RAB10: variants seen among roughly 807,000 people sequenced by gnomAD.
The protein encoded by RAB10 is RAB10, member RAS oncogene family.
A neutral mutation model predicts 25.7 loss-of-function variants in RAB10; 5 were observed. The ratio of observed to expected loss-of-function variants is 0.19; its 90% confidence interval spans 0.10 to 0.41. RAB10 has a LOEUF of 0.41. Among genes scored for constraint, RAB10 ranks in the 10% least tolerant of loss-of-function variants. The pLI is 1.00. For missense variants in RAB10, 103 were observed against 245.8 expected (o/e 0.42, Z 3.89); for synonymous variants, 89 against 86.4 (o/e 1.03, Z -0.16).
chr2:26,104,437 T>C (rs933641742), intron 2 of RAB10, among the ~76,000 whole-genome samples: 2 of 152,250 alleles, frequency 1.3e-5, no homozygotes, highest in Non-Finnish European at 2.9e-5. Context: ...ATTTGTCCTT[T>C]TATTGTTGAG....
chr2:26,101,424 G>C (rs2149281051), intron 2 of RAB10: 1 of 152,448 alleles, frequency 6.6e-6, no homozygotes, highest in East Asian at 1.9e-4. Context: ...TGAACGTGTT[G>C]TCTTTCTTGA....
chr2:26,042,651 A>G (rs1237727938), intron 1 of RAB10: 3 of 151,982 alleles, frequency 2.0e-5, no homozygotes, highest in Non-Finnish European at 2.9e-5. Context: ...GTCTTAAACA[A>G]AAAACCCCAA....
chr2:26,111,606 CAAA>C (rs11347877), intron 3 of RAB10, among the ~76,000 whole-genome samples: 8 of 139,642 alleles, frequency 5.7e-5, no homozygotes, highest in East Asian at 2.0e-4. Context: ...AACTCCATCT[CAAA>C]AAAAAAAAAA....
intron 1 of RAB10, among the ~76,000 whole-genome samples, chr2:26,086,127 C>A (rs1307568172): frequency 6.6e-6 from 1 of 151,794 alleles, no homozygotes; most frequent in Non-Finnish European, 1.5e-5. Context: ...CCAGCCTGTC[C>A]AACATGACAA....
rs1396942660 is a variant in RAB10 at position 26,124,583 on chromosome 2, A to G, written c.328-2561A>G. Reference sequence around the variant, plus strand: ...GCTCAGCCTATTGTTGTTTTTGAATACTTTTTAAAATTGTGGTGAAATACA... The same window carrying G: ...GCTCAGCCTATTGTTGTTTTTGAATGCTTTTTAAAATTGTGGTGAAATACA... On this transcript the variant is annotated intron_variant, in intron 3 of 5. Transcript: ENST00000264710. 1.3e-5 allele frequency among the ~76,000 whole-genome samples: 2 copies of G among 150,358 alleles called. 1 individual carries two copies. Among genetic ancestry groups the G allele is most frequent in the East Asian group, 3.9e-4 (2 of 5,160 alleles).
At chr2:26,037,806 G>A (rs1191412944) in intron 1 of RAB10, among the ~76,000 whole-genome samples, 1 of 152,196 alleles carries the variant, frequency 6.6e-6, no homozygotes, top group Admixed American at 6.5e-5. Context: ...CTGCTGTGGA[G>A]GTGTGGCAGA....
chr2:26,117,979 T>C (rs1574560285), intron 3 of RAB10, among the ~76,000 whole-genome samples: 1 of 152,296 alleles, frequency 6.6e-6, no homozygotes, highest in East Asian at 1.9e-4. Context: ...AAAAAGATGT[T>C]CTTTTTTTTT....
chr2:26,108,216 A>T lies in RAB10; in HGVS notation c.189-1552A>T, dbSNP rs540850154. 2.0e-5 allele frequency among the ~76,000 whole-genome samples: 3 copies of T among 152,290 alleles called. No homozygotes were observed. In the East Asian group the frequency reaches 5.8e-4, roughly 29 times the overall value. On this transcript the variant is annotated intron_variant, in intron 2 of 5. Transcript: ENST00000264710. The stretch of plus-strand genomic sequence containing the variant: ...AAACCTGTAAATGAATATTCTTCGA[A>T]CTTTGTTATAGCCAAAAACTGGAAA...
At chr2:26,075,665 C>G (rs1375899883) in intron 1 of RAB10, among the ~76,000 whole-genome samples, 1 of 151,990 alleles carries the variant, frequency 6.6e-6, no homozygotes, top group Non-Finnish European at 1.5e-5. Context: ...ATAATCATGA[C>G]CAAGGGACAA....
At chr2:26,109,693 A>G (rs1667533581) in intron 2 of RAB10, 75 bp from the exon 3 acceptor site, 1 of 1,381,064 alleles carries the variant, frequency 7.2e-7, no homozygotes, top group Non-Finnish European at 9.5e-7. Flanking sequence ...AGGAAAAACT[A>G]TTCTTGTTTT....
intron 1 of RAB10, among the ~76,000 whole-genome samples, chr2:26,056,926 A>C (rs1423275040): frequency 1.3e-5 from 2 of 152,234 alleles, no homozygotes. Flanking sequence ...CTGGCCCTAA[A>C]AACTGTGTGG....
At chr2:26,079,483 G>T (rs1049803808) in intron 1 of RAB10, among the ~76,000 whole-genome samples, 2 of 152,086 alleles carry the variant, frequency 1.3e-5, no homozygotes, top group Non-Finnish European at 2.9e-5. Flanking sequence ...GATTGGAATT[G>T]GAGGTATCAG....
chr2:26,056,302 A>C (rs1192559823), intron 1 of RAB10, among the ~76,000 whole-genome samples: 1 of 151,932 alleles, frequency 6.6e-6, no homozygotes, highest in East Asian at 1.9e-4. Flanking sequence ...GGGTTCAGGC[A>C]ATTCTCCTGC....
intron 3 of RAB10, among the ~76,000 whole-genome samples, chr2:26,115,882 C>T (rs1346374367): frequency 9.1e-5 from 12 of 131,372 alleles, no homozygotes; most frequent in Admixed American, 6.6e-4. Flanking sequence ...TTTTTTGAGA[C>T]GGAGTTTTGC....
intron 1 of RAB10, among the ~76,000 whole-genome samples, chr2:26,082,858 A>G (rs1302064128): frequency 1.3e-5 from 2 of 152,174 alleles, no homozygotes; most frequent in Non-Finnish European, 2.9e-5. Flanking sequence ...AAATAATTGC[A>G]AACCAAATCC....
At chr2:26,060,509 C>G (rs113774701) in intron 1 of RAB10, among the ~76,000 whole-genome samples, 2 of 152,152 alleles carry the variant, frequency 1.3e-5, no homozygotes, top group Admixed American at 6.5e-5. Context: ...AGCCAGGTCT[C>G]GATCTCCTGA....
At chr2:26,061,315 C>G (rs1666390550) in intron 1 of RAB10, among the ~76,000 whole-genome samples, 1 of 151,786 alleles carries the variant, frequency 6.6e-6, no homozygotes, top group African/African-American at 2.4e-5. Flanking sequence ...CGGGATTTTG[C>G]CATGTTGCCC....
At chr2:26,063,269 C>T (rs934601204) in intron 1 of RAB10, among the ~76,000 whole-genome samples, 1 of 152,162 alleles carries the variant, frequency 6.6e-6, no homozygotes, top group African/African-American at 2.4e-5. Flanking sequence ...GAAGAGGGAC[C>T]ATCTGTTCCT....
At chr2:26,076,405 A>C (rs1022614829) in intron 1 of RAB10, among the ~76,000 whole-genome samples, 6 of 152,182 alleles carry the variant, frequency 3.9e-5, no homozygotes, top group Admixed American at 1.3e-4. Flanking sequence ...ACCTGACACC[A>C]TCACAATTTT....
Sources: gnomAD v4.1 joint callset for allele counts (sites outside exome capture counted in the v4.1 genomes callset) on GRCh38, gnomAD v4.1.1 for gene constraint, MANE v1.5 for transcripts, NCBI Gene and HGNC (gene_info 2026-07-23, HGNC 2026-07-21) for gene names.